The following REV3L variants were observed in gnomAD, a reference collection of about 807,000 sequenced individuals.
REV3L encodes REV3 like, DNA directed polymerase zeta catalytic subunit.
A neutral mutation model predicts 299.4 loss-of-function variants in REV3L; 69 were observed. The observed-to-expected ratio is 0.23, with a 90% CI of 0.19 to 0.28. The LOEUF (loss-of-function observed/expected upper bound fraction) is 0.28, where lower values mean the gene tolerates loss of function less well. REV3L is among the 10% of genes least tolerant of loss of function. REV3L has a pLI of 1.00. For synonymous variants in REV3L, 1,238 were observed against 1,271.4 expected, an observed-to-expected ratio of 0.97 and a Z score of 0.56; for missense variants, 3,128 against 3,693.8, an observed-to-expected ratio of 0.85 and a Z score of 3.97.
chr6:111,425,354 G>A (rs1272050751), intron 1 of REV3L, among the ~76,000 whole-genome samples: 1 of 152,198 alleles, frequency 6.6e-6, no homozygotes, highest in African/African-American at 2.4e-5. Context: ...AGCTCCTCGG[G>A]AGGCTGAGGC....
chr6:111,453,073 C>A (rs1375680699), intron 1 of REV3L, among the ~76,000 whole-genome samples: 4 of 151,894 alleles, frequency 2.6e-5, no homozygotes, highest in Non-Finnish European at 5.9e-5. Context: ...CTAAAAGAGA[C>A]CTTCATCAAT....
In REV3L at chr6:111,373,195, A is replaced by G. The variant is rs117462433; in HGVS notation, c.5160T>C (p.Ser1720=). Residue 1720 remains serine (S), a synonymous_variant, in exon 13 of 32, where the codon TCT becomes TCC. Coordinates refer to ENST00000368802, the MANE Select transcript of REV3L (RefSeq NM_001372078.1). Reference sequence around the variant, plus strand: ...CAAAAATTTCAGGACTTAAAGTACCAGATCTAATCCATGAGGCTGAGTCTG... The same window carrying G: ...CAAAAATTTCAGGACTTAAAGTACCGGATCTAATCCATGAGGCTGAGTCTG... ...HTTDSASWIR[S]GTLSPEIFEK... The G allele has an allele frequency of 3.6e-4, 589 of 1,614,160 alleles. No individual in the cohort carries two copies. Among genetic ancestry groups the G allele is most frequent in the Non-Finnish European group, 4.8e-4 (569 of 1,179,998 alleles).
chr6:111,365,418 G>C (rs1295154715), intron 14 of REV3L, 74 bp from the exon 15 acceptor site: 3 of 762,656 alleles, frequency 3.9e-6, no homozygotes, highest in Non-Finnish European at 6.1e-6. Context: ...ACCTTTTGTT[G>C]TTCCAAACAC....
At chr6:111,466,906 T>A (rs1226809272) in intron 1 of REV3L, among the ~76,000 whole-genome samples, 1 of 152,074 alleles carries the variant, frequency 6.6e-6, no homozygotes, top group East Asian at 1.9e-4. Flanking sequence ...ACCAAGAAAA[T>A]AACAGTAAGT....
intron 31 of REV3L, among the ~76,000 whole-genome samples, chr6:111,300,895 A>T (rs1026451569): frequency 6.6e-6 from 1 of 152,248 alleles, no homozygotes; most frequent in African/African-American, 2.4e-5. Context: ...CCTTGAAAAG[A>T]ACAGGATAAC....
chr6:111,397,238 C>T (rs551996368), intron 4 of REV3L, among the ~76,000 whole-genome samples: 2 of 151,900 alleles, frequency 1.3e-5, no homozygotes, highest in Non-Finnish European at 2.9e-5. Flanking sequence ...TTGATATAGG[C>T]ACCTATTGCT....
rs1034429835 is a variant in REV3L at position 111,399,274 on chromosome 6, C to T, written c.565+6196G>A. ...ACTAACTTATTATTTTCCCCAGTAA[C>T]CTTTTTATTTTTTAATAACTTTAGA... On this transcript the variant is annotated intron_variant, in intron 4 of 31. Transcript: ENST00000368802. 2.6e-5 allele frequency among the ~76,000 whole-genome samples: 4 copies of T among 152,136 alleles called. No homozygotes were observed. The South Asian group carries it at 8.3e-4, about 32-fold the overall frequency.
At position 111,375,794 on chromosome 6, in the gene REV3L, T is replaced by C. The variant is rs1473425384; in HGVS notation, c.2561A>G (p.Lys854Arg). 5 of 1,613,472 alleles carry C rather than the reference T, an allele frequency of 3.1e-6. No homozygotes were observed. Among genetic ancestry groups the C allele is most frequent in the Non-Finnish European group, 4.2e-6 (5 of 1,179,748 alleles). ...AGGATTATTTTGTATAAAATTATCT[T>C]TTGTGGATCCAGTCTCACTACTTTT... ...STKSSETGST[K>R]DNFIQNNPCN... Residue 854 changes from lysine to arginine, a missense_variant, in exon 13 of 32, where the codon AAA becomes AGA. Coordinates refer to ENST00000368802, the MANE Select transcript of REV3L (RefSeq NM_001372078.1).
At position 111,482,974 on chromosome 6, in the gene REV3L, G is replaced by A; in HGVS notation, c.-86C>T. On this transcript the variant is annotated 5_prime_UTR_variant, in exon 1 of 32. Transcript: ENST00000368802. ...CGGCGGCTCCCTCCGCAGCGGCGGCGGCGCCCCCTCCCCTTCTCGGCACGG... is the reference window on the plus strand; with the variant it reads ...CGGCGGCTCCCTCCGCAGCGGCGGCAGCGCCCCCTCCCCTTCTCGGCACGG... 1.4e-6 allele frequency: 2 copies of A among 1,399,330 alleles called. No homozygotes were observed. Among genetic ancestry groups the A allele is most frequent in the South Asian group, 1.6e-5 (1 of 62,146 alleles). 86.7% of individuals were successfully genotyped at this position (1,399,330 alleles called of 1,614,324 possible).
chr6:111,467,504 T>C (rs1791649042), intron 1 of REV3L, among the ~76,000 whole-genome samples: 2 of 152,242 alleles, frequency 1.3e-5, no homozygotes, highest in South Asian at 4.1e-4. Flanking sequence ...TTGAAAATTA[T>C]ATAGCTGGCC....
At chr6:111,365,771 G>T (rs553180603) in intron 14 of REV3L, among the ~76,000 whole-genome samples, 1 of 152,166 alleles carries the variant, frequency 6.6e-6, no homozygotes, top group Non-Finnish European at 1.5e-5. Flanking sequence ...GAATTTTTAT[G>T]TAGTCAAGGA....
intron 7 of REV3L, among the ~76,000 whole-genome samples, chr6:111,388,651 T>C (rs1294574475): frequency 6.6e-6 from 1 of 152,232 alleles, no homozygotes; most frequent in South Asian, 2.1e-4. Flanking sequence ...TTTAGAGCTG[T>C]ACATATTGAA....
At position 111,300,839 on chromosome 6, in the gene REV3L, A is replaced by G. The variant is rs548968409; in HGVS notation, c.9253-683T>C. 3.9e-5 allele frequency among the ~76,000 whole-genome samples: 6 copies of G among 152,302 alleles called. No homozygotes were observed. In the South Asian group the frequency reaches 1.2e-3, roughly 32 times the overall value. ...CTGTGGTGATTGCGTTATCTGCACAAATTGTTTGTAAAGCATGTGTGTTTG... is the reference window on the plus strand; with the variant it reads ...CTGTGGTGATTGCGTTATCTGCACAGATTGTTTGTAAAGCATGTGTGTTTG... On this transcript the variant is annotated intron_variant, in intron 31 of 31. Transcript: ENST00000368802.
intron 1 of REV3L, among the ~76,000 whole-genome samples, chr6:111,451,730 A>G (rs947415426): frequency 5.9e-5 from 9 of 152,184 alleles, no homozygotes; most frequent in Admixed American, 1.3e-4. Context: ...CAACTTAGAA[A>G]TCAAACCACA....
chr6:111,482,369 C>A (rs1793835769), intron 1 of REV3L, among the ~76,000 whole-genome samples: 2 of 152,200 alleles, frequency 1.3e-5, no homozygotes, highest in South Asian at 4.1e-4. Flanking sequence ...GACCTCAGAG[C>A]AGGCCCTACG....
chr6:111,463,546 G>A (rs1049336967), intron 1 of REV3L, among the ~76,000 whole-genome samples: 8 of 152,224 alleles, frequency 5.3e-5, no homozygotes, highest in African/African-American at 1.9e-4. Context: ...CACAAGGAGG[G>A]AAAATATACT....
intron 1 of REV3L, among the ~76,000 whole-genome samples, chr6:111,432,946 C>T (rs2128300571): frequency 6.6e-6 from 1 of 152,100 alleles, no homozygotes; most frequent in South Asian, 2.1e-4. Context: ...TCCTGAATGA[C>T]CAATGGGTCA....
intron 19 of REV3L, among the ~76,000 whole-genome samples, chr6:111,350,525 C>A (rs1463223465): frequency 1.3e-5 from 2 of 151,394 alleles, no homozygotes; most frequent in African/African-American, 2.4e-5. Context: ...AAAGGACACA[C>A]AAGCTACACA....
chr6:111,342,010 A>G (rs1030818523), intron 21 of REV3L, among the ~76,000 whole-genome samples: 1 of 152,112 alleles, frequency 6.6e-6, no homozygotes, highest in South Asian at 2.1e-4. Context: ...TGCCCTAGAG[A>G]AAGGCCTACT....
Sources: gnomAD v4.1 joint callset for allele counts (sites outside exome capture counted in the v4.1 genomes callset) on GRCh38, gnomAD v4.1.1 for gene constraint, MANE v1.5 for transcripts, NCBI Gene and HGNC (gene_info 2026-07-23, HGNC 2026-07-21) for gene names.